ASCC3: variants seen among roughly 807,000 people sequenced by gnomAD.
ASCC3 encodes activating signal cointegrator 1 complex subunit 3, also known as ASC-1 complex subunit P200.
A neutral mutation model predicts 256.3 loss-of-function variants in ASCC3; 158 were observed. That is an observed-to-expected ratio of 0.62 (90% confidence interval 0.54 to 0.70). ASCC3 has a LOEUF of 0.70. ASCC3 is among the 30% of genes least tolerant of loss of function. ASCC3 has a pLI of 0.00. For synonymous variants in ASCC3, 948 were observed against 883.4 expected, an observed-to-expected ratio of 1.07 and a Z score of -1.30; for missense variants, 2,259 against 2,626.0, an observed-to-expected ratio of 0.86 and a Z score of 3.05.
At chr6:100,860,068 T>G (rs1243723544) in intron 3 of ASCC3, among the ~76,000 whole-genome samples, 7 of 152,068 alleles carry the variant, frequency 4.6e-5, no homozygotes, top group Admixed American at 3.9e-4. Flanking sequence ...CAAATCTTAC[T>G]GGCCTCATGA....
chr6:100,821,853 A>C (rs1771062348), intron 4 of ASCC3, among the ~76,000 whole-genome samples: 1 of 152,110 alleles, frequency 6.6e-6, no homozygotes, highest in African/African-American at 2.4e-5. Flanking sequence ...TAAAAAAATG[A>C]AGTAATAAAC....
chr6:100,758,316 G>A (rs1287433746), intron 10 of ASCC3, among the ~76,000 whole-genome samples: 8 of 151,856 alleles, frequency 5.3e-5, no homozygotes, highest in Admixed American at 2.0e-4. Context: ...AGGTATATGT[G>A]TGCCACGGTG....
chr6:100,723,380 G>A (rs560881739), intron 11 of ASCC3, among the ~76,000 whole-genome samples: 2 of 151,372 alleles, frequency 1.3e-5, no homozygotes, highest in African/African-American at 4.8e-5. Flanking sequence ...AACTTCTTGA[G>A]CTTGCATATT....
intron 13 of ASCC3, among the ~76,000 whole-genome samples, chr6:100,685,049 C>G (rs239196): frequency 6.6e-6 from 1 of 151,628 alleles, no homozygotes; most frequent in Non-Finnish European, 1.5e-5. Flanking sequence ...CCTCGTGATC[C>G]GCCAGCCTCG....
chr6:100,661,730 C>G (rs965465425), intron 16 of ASCC3, 76 bp downstream of exon 16: 1 of 1,472,030 alleles, frequency 6.8e-7, no homozygotes, highest in East Asian at 2.3e-5. Context: ...AAACAGCAAC[C>G]AACTCAATCT....
chr6:100,732,535 T>C (rs1779950426), intron 10 of ASCC3, among the ~76,000 whole-genome samples: 1 of 152,202 alleles, frequency 6.6e-6, no homozygotes, highest in African/African-American at 2.4e-5. Flanking sequence ...ATTTCTCTTT[T>C]AATTGGAAAA....
intron 8 of ASCC3, among the ~76,000 whole-genome samples, chr6:100,798,051 C>T (rs1471040830): frequency 1.3e-5 from 2 of 152,042 alleles, no homozygotes; most frequent in African/African-American, 2.4e-5. Flanking sequence ...CTTTATGCTG[C>T]TGTTTTTGCT....
At position 100,508,886 on chromosome 6, in the gene ASCC3, G is replaced by T; in HGVS notation, c.*500C>A. ...TTTATGACTACAAGAAATTCTTGAA[G>T]CTACTTCTACATGTGATCATATCAA... is the stretch of plus-strand genomic sequence containing the variant. On this transcript the variant is annotated 3_prime_UTR_variant, in exon 42 of 42. Coordinates refer to ENST00000369162, the MANE Select transcript of ASCC3 (RefSeq NM_006828.4). 1 of 156,794 alleles carries T rather than the reference G, an allele frequency of 6.4e-6. No individual in the cohort carries two copies. The highest frequency in any genetic ancestry group is 6.2e-5 in the Admixed American group (1 of 16,086). The allele number at this position is 156,794 out of a possible 1,614,324, so 9.7% of individuals were successfully genotyped here. A position where few individuals can be genotyped will look rare whatever the true frequency, so the allele number is the denominator to read the frequency against.
intron 5 of ASCC3, 31 bp from the exon 6 acceptor site, chr6:100,800,535 T>G: frequency 1.3e-6 from 2 of 1,495,386 alleles, no homozygotes; most frequent in Admixed American, 3.6e-5. Context: ...ACACAATGTT[T>G]TATAAATCTG....
At chr6:100,649,895 C>T (rs1207362123) in intron 20 of ASCC3, among the ~76,000 whole-genome samples, 2 of 151,350 alleles carry the variant, frequency 1.3e-5, no homozygotes, top group Admixed American at 1.3e-4. Context: ...CTTTACTTCA[C>T]ATAAGGGCTT....
chr6:100,631,312 T>C, intron 25 of ASCC3, 99 bp from the exon 26 acceptor site: 1 of 892,162 alleles, frequency 1.1e-6, no homozygotes, highest in Non-Finnish European at 1.8e-6. Flanking sequence ...TATGACAGTG[T>C]GGTTTGAAAA....
intron 39 of ASCC3, among the ~76,000 whole-genome samples, chr6:100,515,158 T>C (rs577250427): frequency 2.0e-4 from 30 of 152,328 alleles, no homozygotes; most frequent in South Asian, 6.2e-4. Flanking sequence ...TTGAAATCAA[T>C]GTATGTTATG....
At chr6:100,692,230 AC>A (rs1368417783) in intron 13 of ASCC3, among the ~76,000 whole-genome samples, 1 of 152,060 alleles carries the variant, frequency 6.6e-6, no homozygotes, top group Non-Finnish European at 1.5e-5. Context: ...CTTGAACTAA[AC>A]ATCACCAGTT....
At chr6:100,642,282 TG>T (rs1775161731) in intron 24 of ASCC3, among the ~76,000 whole-genome samples, 1 of 152,140 alleles carries the variant, frequency 6.6e-6, no homozygotes, top group Admixed American at 6.6e-5. Flanking sequence ...TTAGCTTTTT[TG>T]TTTTTGGTGT....
intron 11 of ASCC3, among the ~76,000 whole-genome samples, chr6:100,723,532 C>A (rs192445915): frequency 6.6e-6 from 1 of 151,382 alleles, no homozygotes; most frequent in Admixed American, 6.6e-5. Flanking sequence ...CAAACACTTT[C>A]GAACTTTTAA....
intron 4 of ASCC3, among the ~76,000 whole-genome samples, chr6:100,816,797 A>G (rs1239911502): frequency 2.6e-5 from 4 of 152,112 alleles, no homozygotes; most frequent in South Asian, 4.1e-4. Flanking sequence ...GAAATAACTA[A>G]TAAGTTCCAG....
chr6:100,728,413 C>A (rs1382816013), intron 10 of ASCC3, among the ~76,000 whole-genome samples: 1 of 151,822 alleles, frequency 6.6e-6, no homozygotes, highest in African/African-American at 2.4e-5. Flanking sequence ...CTTATACAAT[C>A]ACTTTGAAAA....
At chr6:100,760,411 T>C (rs1349670399) in intron 10 of ASCC3, among the ~76,000 whole-genome samples, 2 of 152,174 alleles carry the variant, frequency 1.3e-5, no homozygotes, top group Non-Finnish European at 2.9e-5. Flanking sequence ...GAGATAATCG[T>C]GTGGTTTATG....
chr6:100,556,246 T>C (rs1311251880), intron 36 of ASCC3, among the ~76,000 whole-genome samples: 2 of 152,058 alleles, frequency 1.3e-5, no homozygotes, highest in African/African-American at 4.8e-5. Flanking sequence ...AGTTAAGAAA[T>C]ACATACACAA....
Sources: allele counts gnomAD v4.1 joint callset (sites outside exome capture counted in the v4.1 genomes callset), GRCh38; gene constraint gnomAD v4.1.1; transcripts MANE v1.5; gene names NCBI Gene and HGNC (gene_info 2026-07-23, HGNC 2026-07-21).